The following FN1 variants were observed in gnomAD, a reference collection of about 807,000 sequenced individuals.
FN1 encodes the protein fibronectin 1.
A neutral mutation model predicts 297.3 loss-of-function variants in FN1; 106 were observed. That is an observed-to-expected ratio of 0.36 (90% confidence interval 0.30 to 0.42). FN1 has a LOEUF of 0.42. Ranked by LOEUF, FN1 falls within the 10% of genes least tolerant of loss-of-function variation. The pLI, the probability that FN1 is intolerant of heterozygous loss-of-function variation, is 1.00. For synonymous variants in FN1, 1,149 were observed against 1,152.6 expected, an observed-to-expected ratio of 1.00 and a Z score of 0.06; for missense variants, 2,690 against 3,124.9, an observed-to-expected ratio of 0.86 and a Z score of 3.32.
At chr2:215,380,680 A>C in intron 33 of FN1, 131 bp downstream of exon 33, 1 of 1,162,246 alleles carries the variant, frequency 8.6e-7, no homozygotes, top group South Asian at 1.3e-5. Flanking sequence ...ATTCCTCTTT[A>C]AAGAGGATCT....
intron 20 of FN1, among the ~76,000 whole-genome samples, chr2:215,401,255 A>AAGGAAGGAAGGAAGGAAGGAAGGAAGG (rs1559476059): frequency 6.9e-5 from 4 of 58,296 alleles, no homozygotes; most frequent in African/African-American, 1.3e-4. Context: ...AGAAAGGAAG[A>AAGGAAGGAAGGAAGGAAGGAAGGAAGG]AAGAAAGGAA....
At chr2:215,378,052 C>T in intron 35 of FN1, 123 bp downstream of exon 35, 1 of 730,282 alleles carries the variant, frequency 1.4e-6, no homozygotes, top group Non-Finnish European at 2.5e-6. Context: ...AAGTGACGCT[C>T]CCGCCTCAGC....
At chr2:215,384,565 GAAA>G in intron 29 of FN1, 1 of 392,642 alleles carries the variant, frequency 2.5e-6, no homozygotes, top group South Asian at 3.6e-5. Context: ...GTAAAGAGAA[GAAA>G]AAATAAAAAT....
At chr2:215,376,702 T>C (rs758104989) in intron 35 of FN1, 28 bp from the exon 36 acceptor site, 2 of 1,608,664 alleles carry the variant, frequency 1.2e-6, no homozygotes, top group Non-Finnish European at 8.5e-7. Context: ...TAGAGATTAG[T>C]GCCTGCTTGG....
chr2:215,367,695 A>G, intron 42 of FN1, 168 bp downstream of exon 42: 1 of 717,736 alleles, frequency 1.4e-6, no homozygotes, highest in Non-Finnish European at 2.4e-6. Flanking sequence ...AAAATTTCCC[A>G]TCATTTTTCT....
intron 38 of FN1, among the ~76,000 whole-genome samples, chr2:215,373,876 G>A (rs555543564): frequency 8.0e-4 from 122 of 152,010 alleles, no homozygotes; most frequent in Non-Finnish European, 1.3e-3. Flanking sequence ...TAGAGATGGG[G>A]TTTCACCGTG....
At chr2:215,420,971 T>C (rs559331426) in intron 10 of FN1, 170 bp from the exon 11 acceptor site, 4 of 722,266 alleles carry the variant, frequency 5.5e-6, no homozygotes, top group African/African-American at 1.8e-5. Context: ...GTTTGGTCAG[T>C]AATACAATTT....
At position 215,386,916 on chromosome 2, in the gene FN1, G is replaced by A; in HGVS notation, c.4385C>T (p.Ala1462Val). Residue 1462 changes from alanine to valine, a missense_variant, in exon 28 of 46, where the codon GCC (alanine) becomes GTC (valine). Physicochemically the swap from Ala to Val is moderately conservative, Grantham distance 64 (BLOSUM62 0). Coordinates refer to ENST00000354785, the MANE Select transcript of FN1 (RefSeq NM_212482.4). ...PTGIDFSDIT[A>V]NSFTVHWIAP... is the part of the protein sequence containing the mutation. ...AATCCAGTGCACAGTAAAAGAGTTG[G>A]CAGTAATATCAGAAAAGTCAATGCC... 6.2e-7 allele frequency: 1 copy of A among 1,613,210 alleles called. No homozygotes were observed. Among genetic ancestry groups the A allele is most frequent in the South Asian group, 1.1e-5 (1 of 90,898 alleles).
At position 215,435,660 on chromosome 2, in the gene FN1, C is replaced by T. The variant is rs200183962; in HGVS notation, c.143G>A (p.Ser48Asn). 3.7e-6 allele frequency: 6 copies of T among 1,613,662 alleles called. No homozygotes were observed. The highest frequency in any genetic ancestry group is 4.5e-5 in the East Asian group (2 of 44,872). ...AGCCCGCGGTCAGTACTCACGCTTGCTTTGACTGACAGCCACCGGGGACTG... is the reference window on the plus strand; with the variant it reads ...AGCCCGCGGTCAGTACTCACGCTTGTTTTGACTGACAGCCACCGGGGACTG... ...QPQSPVAVSQ[S>N]KPGCYDNGKH... Residue 48 changes from serine to asparagine, a missense_variant, in exon 1 of 46, where the codon AGC becomes AAC. By Grantham distance (46) the Ser-to-Asn change is conservative (BLOSUM62 1). Around this residue, in one of 3 missense-constraint regions of FN1, gnomAD observed 876 missense variants for 1,058.1 expected, o/e 0.83. Transcript: ENST00000354785.
At chr2:215,401,932 G>A (rs1185228393) in intron 20 of FN1, among the ~76,000 whole-genome samples, 1 of 151,306 alleles carries the variant, frequency 6.6e-6, no homozygotes, top group Non-Finnish European at 1.5e-5. Flanking sequence ...TATTTTGATG[G>A]TGTTTGGTGG....
At position 215,436,035 on chromosome 2, in the gene FN1, TCTC is replaced by T; in HGVS notation, c.-236_-234del. On this transcript the variant is annotated 5_prime_UTR_variant, in exon 1 of 46. Coordinates refer to ENST00000354785, the MANE Select transcript of FN1 (RefSeq NM_212482.4). ...CTTCCCGCTCGCGCCTGGGGTTCCC[TCTC>T]CTCCCCCTGTGCAGCACAGCCGGCG... is the stretch of plus-strand genomic sequence containing the variant. 1 of 870,114 alleles carries T rather than the reference TCTC, an allele frequency of 1.1e-6. No individual in the cohort carries two copies. The highest frequency in any genetic ancestry group is 2.0e-5 in the South Asian group (1 of 50,568). The allele number at this position is 870,114 out of a possible 1,614,324, so 53.9% of individuals were successfully genotyped here.
At position 215,365,004 on chromosome 2, in the gene FN1, C is replaced by G. The variant is rs1222454624; in HGVS notation, c.7145-19G>C. ...GCCTCATCTGCATATAGACACAAGA[C>G]AGATGCACGCATAAGCTGAGAACAA... On this transcript the variant is annotated intron_variant, in intron 43 of 45. Transcript: ENST00000354785. The G allele has an allele frequency of 1.4e-6, 2 of 1,443,548 alleles. No individual in the cohort carries two copies. The highest frequency in any genetic ancestry group is 1.4e-5 in the African/African-American group (1 of 72,234). 89.4% of individuals were successfully genotyped at this position (1,443,548 alleles called of 1,614,324 possible). A position where few individuals can be genotyped will look rare whatever the true frequency, so the allele number is the denominator to read the frequency against.
chr2:215,432,248 C>G (rs1036315044), intron 3 of FN1, among the ~76,000 whole-genome samples: 3 of 152,064 alleles, frequency 2.0e-5, no homozygotes, highest in Non-Finnish European at 4.4e-5. Flanking sequence ...GGGTCCTAAG[C>G]AGAAAAGAAA....
intron 13 of FN1, among the ~76,000 whole-genome samples, chr2:215,412,396 CA>C (rs2062784508): frequency 2.0e-5 from 3 of 152,062 alleles, no homozygotes; most frequent in Admixed American, 2.0e-4. Context: ...AACAATAAGT[CA>C]TATTTACAGA....
chr2:215,376,473 T>C (rs1235550071), intron 36 of FN1, 25 bp downstream of exon 36: 28 of 1,604,028 alleles, frequency 1.7e-5, no homozygotes, highest in Non-Finnish European at 2.4e-5. Flanking sequence ...TTAACAAATG[T>C]GGTTAGTGCA....
rs1357526930 is a variant in FN1, at chr2:215,384,080, C to T, written c.4834G>A (p.Val1612Ile). Residue 1612 changes from valine to isoleucine, a missense_variant, in exon 30 of 46, where the codon GTC becomes ATC. Around this residue, in one of 3 missense-constraint regions of FN1, gnomAD observed 1,743 missense variants for 1,945.2 expected, o/e 0.90. Transcript: ENST00000354785. ...GCGGGGCTGTCTCCACGGCCAGTGA[C>T]AGCATACACAGTGATGGTATAATCA... ...GVDYTITVYA[V>I]TGRGDSPASS... 6.2e-7 allele frequency: 1 copy of T among 1,614,022 alleles called. No homozygotes were observed. The highest frequency in any genetic ancestry group is 1.3e-5 in the African/African-American group (1 of 74,916).
chr2:215,381,523 G>A, intron 32 of FN1: 2 of 276,078 alleles, frequency 7.2e-6, no homozygotes, highest in Non-Finnish European at 1.4e-5. Context: ...ACCTAGGCTG[G>A]GGTGCAGAGG....
chr2:215,409,647 A>T lies in FN1; in HGVS notation c.2215T>A (p.Ser739Thr). The T allele has an allele frequency of 6.2e-7, 1 of 1,614,114 alleles. No homozygotes were observed. The highest frequency in any genetic ancestry group is 8.5e-7 in the Non-Finnish European group (1 of 1,180,002). Residue 739 changes from serine to threonine, a missense_variant, in exon 15 of 46, where the codon TCC (serine) becomes ACC (threonine). By Grantham distance (58) the Ser-to-Thr change is moderately conservative. Around this residue, in one of 3 missense-constraint regions of FN1, gnomAD observed 876 missense variants for 1,058.1 expected, o/e 0.83. Transcript: ENST00000354785. ...TEITASSFVV[S>T]WVSASDTVSG... ...ACGGTGTCGGAAGCTGAGACCCAGGAGACCACAAAGCTACTGGCTGTGATT... is the reference window on the plus strand; with the variant it reads ...ACGGTGTCGGAAGCTGAGACCCAGGTGACCACAAAGCTACTGGCTGTGATT...
chr2:215,420,836 T>C, intron 10 of FN1, 35 bp from the exon 11 acceptor site: 1 of 1,610,698 alleles, frequency 6.2e-7, no homozygotes, highest in Non-Finnish European at 8.5e-7. Context: ...TGAGAAACTT[T>C]TTAAAGTTCC....
Sources: gnomAD v4.1 joint callset for allele counts (sites outside exome capture counted in the v4.1 genomes callset) on GRCh38, gnomAD v4.1.1 for gene constraint, gnomAD v4.1.1 regional missense constraint, MANE v1.5 for transcripts, NCBI Gene and HGNC (gene_info 2026-07-23, HGNC 2026-07-21) for gene names.